Variants in LRRC3B observed in about 807,000 individuals in gnomAD.
LRRC3B encodes leucine rich repeat containing 3B, also known as leucine-rich repeat-containing protein 3B.
In LRRC3B, 2 loss-of-function variants were observed where a neutral mutation model predicts 12.8. The ratio of observed to expected loss-of-function variants is 0.16; its 90% CI spans 0.06 to 0.49. LRRC3B has a LOEUF of 0.49. Ranked by LOEUF, LRRC3B falls within the 20% of genes least tolerant of loss-of-function variation. LRRC3B has a pLI of 0.96. For synonymous variants in LRRC3B, 132 were observed against 122.0 expected (o/e 1.08, Z -0.54); for missense variants, 189 against 319.4 (o/e 0.59, Z 3.11).
chr3:26,682,558 A>G (rs574327407), intron 1 of LRRC3B, among the ~76,000 whole-genome samples: 14 of 152,002 alleles, frequency 9.2e-5, no homozygotes, highest in Admixed American at 6.5e-4. Flanking sequence ...AGATCTATTT[A>G]TTTTCCCCCA....
intron 1 of LRRC3B, among the ~76,000 whole-genome samples, chr3:26,636,856 C>T (rs193176977): frequency 0.18 from 17,122 of 94,502 alleles, 3,274 homozygotes; most frequent in African/African-American, 0.27. Flanking sequence ...CTCCCTCCCT[C>T]CCTCCCTCCC....
chr3:26,685,886 C>G (rs1362239609), intron 1 of LRRC3B, among the ~76,000 whole-genome samples: 2 of 151,956 alleles, frequency 1.3e-5, no homozygotes, highest in African/African-American at 4.8e-5. Context: ...TTAGTCCAGT[C>G]TCTCAGTTAT....
chr3:26,692,786 T>C (rs1185904450), intron 1 of LRRC3B, among the ~76,000 whole-genome samples: 1 of 152,218 alleles, frequency 6.6e-6, no homozygotes, highest in Non-Finnish European at 1.5e-5. Flanking sequence ...ACAAATTCAG[T>C]GGCATTTATT....
intron 1 of LRRC3B, chr3:26,701,136 A>G (rs1441830330): frequency 5.9e-5 from 9 of 152,186 alleles, no homozygotes; most frequent in Admixed American, 3.9e-4. Flanking sequence ...AAAATTAATC[A>G]TGATCATTTA....
intron 1 of LRRC3B, among the ~76,000 whole-genome samples, chr3:26,669,413 T>C (rs1699674500): frequency 6.6e-6 from 1 of 152,216 alleles, no homozygotes; most frequent in Admixed American, 6.5e-5. Context: ...TTAACAAATC[T>C]CAACTAGTTT....
chr3:26,679,199 A>G (rs715642), intron 1 of LRRC3B, among the ~76,000 whole-genome samples: 53,997 of 152,166 alleles, frequency 0.35, 13,548 homozygotes, highest in African/African-American at 0.7. Context: ...TCTGCAAGAA[A>G]GATGATAGCA....
At chr3:26,659,746 T>C (rs973094556) in intron 1 of LRRC3B, among the ~76,000 whole-genome samples, 10 of 152,188 alleles carry the variant, frequency 6.6e-5, no homozygotes, top group African/African-American at 2.2e-4. Flanking sequence ...TAGAATGTTC[T>C]ACAGAGGCTA....
chr3:26,649,172 G>A (rs1699213832), intron 1 of LRRC3B, among the ~76,000 whole-genome samples: 1 of 152,126 alleles, frequency 6.6e-6, no homozygotes, highest in African/African-American at 2.4e-5. Flanking sequence ...GGGTTCCAAG[G>A]GTTTTGTCAT....
At chr3:26,646,155 A>G (rs1292690936) in intron 1 of LRRC3B, among the ~76,000 whole-genome samples, 1 of 152,230 alleles carries the variant, frequency 6.6e-6, no homozygotes, top group Non-Finnish European at 1.5e-5. Context: ...AAAACCATAG[A>G]AATCTCCTCA....
chr3:26,646,789 C>T (rs766097102), intron 1 of LRRC3B, among the ~76,000 whole-genome samples: 10 of 151,986 alleles, frequency 6.6e-5, no homozygotes, highest in Non-Finnish European at 1.5e-4. Context: ...AGCTAGCCTC[C>T]AGATGGTAGG....
Position 26,637,263 on chromosome 3 carries a change from G to C in LRRC3B, c.-161+14026G>C, listed in dbSNP as rs1698922009. Among the ~76,000 whole-genome samples, 4 of 151,992 alleles carry C rather than the reference G, an allele frequency of 2.6e-5. No individual in the cohort carries two copies. The South Asian group carries it at 8.3e-4, about 32-fold the overall frequency. On this transcript the variant is annotated intron_variant, in intron 1 of 1. Transcript: ENST00000396641. ...TGAGTGAGGGAAATGGCATCAGTAGGAACAGGTAAGAATAATTCACTTTTC... is the reference window on the plus strand; with the variant it reads ...TGAGTGAGGGAAATGGCATCAGTAGCAACAGGTAAGAATAATTCACTTTTC...
chr3:26,623,183 C>T (rs970962710), exon 1 of LRRC3B: 1 of 152,436 alleles, frequency 6.6e-6, no homozygotes, highest in Non-Finnish European at 1.5e-5. Context: ...CACCCAACGC[C>T]TCCTCCCTGA....
chr3:26,705,410 C>T (rs1316391727), intron 1 of LRRC3B, among the ~76,000 whole-genome samples: 2 of 151,740 alleles, frequency 1.3e-5, no homozygotes, highest in Non-Finnish European at 2.9e-5. Context: ...ACAGGGTAGT[C>T]CAGTGAGTCG....
chr3:26,630,027 G>C (rs983482686), intron 1 of LRRC3B, among the ~76,000 whole-genome samples: 1 of 148,872 alleles, frequency 6.7e-6, no homozygotes, highest in Non-Finnish European at 1.5e-5. Context: ...ACTTAGCACA[G>C]TAAGACTAAG....
intron 1 of LRRC3B, among the ~76,000 whole-genome samples, chr3:26,704,063 A>G (rs1700523725): frequency 6.6e-6 from 1 of 152,092 alleles, no homozygotes. Flanking sequence ...CCTCAGTTCC[A>G]CTACTCACTT....
chr3:26,640,823 A>T (rs1180856444), intron 1 of LRRC3B, among the ~76,000 whole-genome samples: 1 of 152,148 alleles, frequency 6.6e-6, no homozygotes, highest in Non-Finnish European at 1.5e-5. Flanking sequence ...GAAATGGCTT[A>T]AAAAGGACTT....
intron 1 of LRRC3B, among the ~76,000 whole-genome samples, chr3:26,678,779 C>T (rs1424163249): frequency 6.6e-6 from 1 of 152,068 alleles, no homozygotes; most frequent in Admixed American, 6.6e-5. Flanking sequence ...TGACGGTTAG[C>T]ACAAAAGCCT....
chr3:26,702,742 G>A (rs372229872), intron 1 of LRRC3B, among the ~76,000 whole-genome samples: 8 of 152,210 alleles, frequency 5.3e-5, no homozygotes, highest in African/African-American at 1.9e-4. Context: ...AATTCAGGAA[G>A]GAGGCTTTTG....
intron 1 of LRRC3B, among the ~76,000 whole-genome samples, chr3:26,664,953 G>A (rs1033129546): frequency 1.3e-5 from 2 of 151,218 alleles, no homozygotes; most frequent in Non-Finnish European, 2.9e-5. Flanking sequence ...GTAGGTCTGG[G>A]ATAGGGTACA....
Sources: allele counts gnomAD v4.1 joint callset (sites outside exome capture counted in the v4.1 genomes callset), GRCh38; gene constraint gnomAD v4.1.1; transcripts MANE v1.5; gene names NCBI Gene and HGNC (gene_info 2026-07-23, HGNC 2026-07-21).